Variants in SPG11 observed in about 807,000 individuals in gnomAD.
The protein encoded by SPG11 is SPG11 vesicle trafficking associated, spatacsin.
A neutral mutation model predicts 274.0 loss-of-function variants in SPG11; 222 were observed. That is an observed-to-expected ratio of 0.81 (90% CI 0.73 to 0.91). The LOEUF (loss-of-function observed/expected upper bound fraction) is 0.91, where lower values mean the gene tolerates loss of function less well. Ranked by LOEUF, SPG11 falls within the 40% of genes least tolerant of loss-of-function variation. The probability of loss-of-function intolerance (pLI) is 0.00; values close to 1 mark genes in which losing one functional copy is unlikely to be tolerated. For missense variants in SPG11, 3,114 were observed against 2,872.7 expected, an observed-to-expected ratio of 1.08 and a Z score of -1.92; for synonymous variants, 1,144 against 1,039.7, an observed-to-expected ratio of 1.10 and a Z score of -1.93.
chr15:44,604,719 G>A (rs1185378727), intron 20 of SPG11, among the ~76,000 whole-genome samples: 1 of 151,900 alleles, frequency 6.6e-6, no homozygotes, highest in Non-Finnish European at 1.5e-5. Flanking sequence ...ACGAGGTCAG[G>A]AGATCGAGAC....
At chr15:44,590,249 G>C (rs1239421719) in intron 27 of SPG11, among the ~76,000 whole-genome samples, 3 of 152,214 alleles carry the variant, frequency 2.0e-5, no homozygotes, top group African/African-American at 7.2e-5. Flanking sequence ...TCTTGTTAGA[G>C]AACGGTCTCA....
chr15:44,659,877 A>G (rs2085054129), intron 2 of SPG11, among the ~76,000 whole-genome samples: 1 of 152,214 alleles, frequency 6.6e-6, no homozygotes, highest in Non-Finnish European at 1.5e-5. Flanking sequence ...CCTGGCCAAC[A>G]TGGCGAAACC....
At position 44,567,646 on chromosome 15, in the gene SPG11, A is replaced by G. The variant is rs76477017; in HGVS notation, c.6586-54T>C. 8.6e-4 allele frequency: 1,373 copies of G among 1,594,178 alleles called. 14 individuals carry two copies. In the African/African-American group the frequency reaches 0.016, roughly 19 times the overall value. On this transcript the variant is annotated intron_variant, in intron 35 of 39. Coordinates refer to ENST00000261866, the MANE Select transcript of SPG11 (RefSeq NM_025137.4). ...GTGTCAGTCAGGGACTGCAAGGCAG[A>G]CAGGACTAGCTGAGTCACCTTGTTC...
In SPG11 at chr15:44,570,521, T is replaced by C. The variant is rs312262780; in HGVS notation, c.6477+4A>G. 3 of 1,614,046 alleles carry C rather than the reference T, an allele frequency of 1.9e-6. No individual in the cohort carries two copies. The highest frequency in any genetic ancestry group is 1.1e-5 in the South Asian group (1 of 91,068). On this transcript the variant is annotated splice_donor_region_variant and intron_variant, in intron 34 of 39. Coordinates refer to ENST00000261866, the MANE Select transcript of SPG11 (RefSeq NM_025137.4). The stretch of plus-strand genomic sequence containing the variant: ...TGGAGACTGGGGTTGAGGGGGCTAC[T>C]TACCACCAGCCCATACTCCTCACTG...
chr15:44,592,005 G>A (rs2082911078), intron 27 of SPG11, among the ~76,000 whole-genome samples: 1 of 151,870 alleles, frequency 6.6e-6, no homozygotes, highest in Non-Finnish European at 1.5e-5. Context: ...CAGCTACTCT[G>A]GAGGCTGAGG....
chr15:44,567,349 CAAAAAAAA>C (rs397853802), intron 36 of SPG11, 67 bp downstream of exon 36: 4 of 1,184,840 alleles, frequency 3.4e-6, no homozygotes, highest in African/African-American at 2.1e-5. Flanking sequence ...GACTCTGTCT[CAAAAAAAA>C]AAAAAAAAAA....
intron 7 of SPG11, among the ~76,000 whole-genome samples, chr15:44,640,956 T>C (rs1027607728): frequency 1.3e-5 from 2 of 152,092 alleles, no homozygotes; most frequent in Admixed American, 6.6e-5. Context: ...TCTCGATCTC[T>C]TGACTTTGCG....
At chr15:44,626,805 A>AC (rs772517469) in intron 10 of SPG11, among the ~76,000 whole-genome samples, 8 of 151,652 alleles carry the variant, frequency 5.3e-5, no homozygotes, top group Non-Finnish European at 1.0e-4. Flanking sequence ...AAGGATGACC[A>AC]CCCCCACCCC....
chr15:44,638,685 C>T (rs2141071956), intron 7 of SPG11, among the ~76,000 whole-genome samples: 1 of 152,164 alleles, frequency 6.6e-6, no homozygotes, highest in South Asian at 2.1e-4. Flanking sequence ...ATGGTGGTTA[C>T]AAGAGTTTTT....
intron 7 of SPG11, among the ~76,000 whole-genome samples, chr15:44,639,605 C>T (rs1483231543): frequency 6.6e-6 from 1 of 151,834 alleles, no homozygotes; most frequent in African/African-American, 2.4e-5. Context: ...CAGAGGCTCA[C>T]ATGGGGGTAT....
At chr15:44,653,275 A>C (rs1438495037) in intron 4 of SPG11, among the ~76,000 whole-genome samples, 1 of 152,176 alleles carries the variant, frequency 6.6e-6, no homozygotes, top group Non-Finnish European at 1.5e-5. Context: ...GAAGGATTTT[A>C]TCTCTTTGAA....
At chr15:44,658,658 A>C (rs1017916134) in intron 3 of SPG11, among the ~76,000 whole-genome samples, 1 of 152,016 alleles carries the variant, frequency 6.6e-6, no homozygotes, top group African/African-American at 2.4e-5. Context: ...ACGGGGTTTC[A>C]CCATATTGGC....
chr15:44,659,183 A>C lies in SPG11; in HGVS notation c.563T>G (p.Leu188Arg). 1 of 1,614,234 alleles carries C rather than the reference A, an allele frequency of 6.2e-7. No individual in the cohort carries two copies. Among genetic ancestry groups the C allele is most frequent in the Non-Finnish European group, 8.5e-7 (1 of 1,180,028 alleles). Residue 188 changes from leucine (L) to arginine (R), a missense_variant, in exon 3 of 40, where the codon CTC (leucine) becomes CGC (arginine). By Grantham distance (102) the Leu-to-Arg change is moderately radical. Coordinates refer to ENST00000261866, the MANE Select transcript of SPG11 (RefSeq NM_025137.4). ...FPERDAAIRV[L>R]NCFTLPLPAQ... ...AGGCAAGGGAAGTGTGAAACAGTTG[A>C]GTACTCTAATTGCAGCATCTCTTTC...
intron 7 of SPG11, among the ~76,000 whole-genome samples, chr15:44,647,974 G>A (rs1338483571): frequency 6.6e-6 from 1 of 152,166 alleles, no homozygotes; most frequent in Non-Finnish European, 1.5e-5. Flanking sequence ...CAGGGACTGT[G>A]AGTATAGCAG....
chr15:44,594,183 T>C (rs1229074919), intron 26 of SPG11, among the ~76,000 whole-genome samples: 2 of 151,158 alleles, frequency 1.3e-5, no homozygotes, highest in Non-Finnish European at 3.0e-5. Flanking sequence ...TCCCAGCGCT[T>C]TGGGAGGCCG....
At chr15:44,641,300 C>G (rs2084431694) in intron 7 of SPG11, among the ~76,000 whole-genome samples, 1 of 151,694 alleles carries the variant, frequency 6.6e-6, no homozygotes, top group African/African-American at 2.4e-5. Context: ...TAGGAAAAAA[C>G]AGAAACTATA....
At position 44,628,732 on chromosome 15, in the gene SPG11, A is replaced by G; in HGVS notation, c.2004T>C (p.Tyr668=). The change falls in exon 10 of 40, where the codon TAT becomes TAC. Residue 668 remains tyrosine, a synonymous_variant. Coordinates refer to ENST00000261866, the MANE Select transcript of SPG11 (RefSeq NM_025137.4). ...CTTTGGGGACATTTTCATGTACATC[A>G]TATTCATCTATAGCATCTGTTAGCT... ...PWKLTDAIDE[Y]DVHENVPKVK... The G allele has an allele frequency of 6.2e-7, 1 of 1,613,758 alleles. No individual in the cohort carries two copies. The highest frequency in any genetic ancestry group is 8.5e-7 in the Non-Finnish European group (1 of 1,179,898).
At chr15:44,650,769 A>C (rs769278585) in intron 6 of SPG11, among the ~76,000 whole-genome samples, 19 of 152,002 alleles carry the variant, frequency 1.2e-4, no homozygotes, top group Non-Finnish European at 2.8e-4. Flanking sequence ...CTTTTTTTTG[A>C]GACGGAGTCT....
intron 28 of SPG11, among the ~76,000 whole-genome samples, chr15:44,587,513 A>G (rs961306047): frequency 1.3e-5 from 2 of 151,974 alleles, no homozygotes; most frequent in Admixed American, 6.6e-5. Context: ...ACGTGGCAAA[A>G]CCCTATTTCT....
Sources: gnomAD v4.1 joint callset for allele counts (sites outside exome capture counted in the v4.1 genomes callset) on GRCh38, gnomAD v4.1.1 for gene constraint, MANE v1.5 for transcripts, NCBI Gene and HGNC (gene_info 2026-07-23, HGNC 2026-07-21) for gene names.